TRERF1: variants seen among roughly 807,000 people sequenced by gnomAD.
The protein encoded by TRERF1 is transcriptional-regulating factor 1.
Under a neutral mutation model 122.9 loss-of-function variants are expected in TRERF1, and 27 were observed. That is an observed-to-expected ratio of 0.22 (90% CI 0.16 to 0.30). The LOEUF (loss-of-function observed/expected upper bound fraction) is 0.30. TRERF1 is among the 10% of genes least tolerant of loss of function. The probability of loss-of-function intolerance (pLI) is 1.00; values close to 1 mark genes in which losing one functional copy is unlikely to be tolerated. For synonymous variants in TRERF1, 636 were observed against 641.7 expected, an observed-to-expected ratio of 0.99 and a Z score of 0.13; for missense variants, 1,248 against 1,560.3, an observed-to-expected ratio of 0.80 and a Z score of 3.37.
At chr6:42,247,078 C>CGAGG (rs2149631276) in intron 13 of TRERF1, among the ~76,000 whole-genome samples, 1 of 152,200 alleles carries the variant, frequency 6.6e-6, no homozygotes, top group South Asian at 2.1e-4. Flanking sequence ...CAGGTAGAGG[C>CGAGG]GAGGTGCCAA....
At chr6:42,303,290 T>C (rs918137233) in intron 3 of TRERF1, among the ~76,000 whole-genome samples, 9 of 152,186 alleles carry the variant, frequency 5.9e-5, no homozygotes, top group Non-Finnish European at 1.3e-4. Context: ...ATAACTATAA[T>C]AGTGGTCCCC....
chr6:42,360,771 TAAAAAAAAAAA>T (rs55924002), intron 3 of TRERF1, among the ~76,000 whole-genome samples: 21 of 36,418 alleles, frequency 5.8e-4, no homozygotes, highest in Admixed American at 4.7e-3. Flanking sequence ...GTGGAGAGAT[TAAAAAAAAAAA>T]AAAAAAAAAA....
At chr6:42,411,437 C>T (rs565258309) in intron 2 of TRERF1, among the ~76,000 whole-genome samples, 62 of 152,262 alleles carry the variant, frequency 4.1e-4, no homozygotes, top group African/African-American at 8.7e-4. Flanking sequence ...GGTCCCAATT[C>T]GGGACCTGGA....
At chr6:42,277,937 AAG>A (rs1424648629) in intron 4 of TRERF1, among the ~76,000 whole-genome samples, 28 of 148,894 alleles carry the variant, frequency 1.9e-4, no homozygotes, top group Admixed American at 9.3e-4. Context: ...GAAGAAGAAG[AAG>A]AAGAAGAAGA....
intron 2 of TRERF1, among the ~76,000 whole-genome samples, chr6:42,445,337 A>C (rs569615670): frequency 1.5e-5 from 2 of 134,462 alleles, no homozygotes; most frequent in African/African-American, 2.8e-5. Context: ...CAGCCTCAGG[A>C]AACACTACAC....
At chr6:42,251,031 C>CT (rs1188181741) in intron 13 of TRERF1, among the ~76,000 whole-genome samples, 42 of 120,924 alleles carry the variant, frequency 3.5e-4, no homozygotes, top group Non-Finnish European at 6.4e-4. Flanking sequence ...GGGTCTCACT[C>CT]TGTCGCCCAG....
chr6:42,251,671 T>G (rs1775847585), intron 13 of TRERF1, among the ~76,000 whole-genome samples: 2 of 152,196 alleles, frequency 1.3e-5, no homozygotes, highest in South Asian at 4.1e-4. Context: ...TCTTGCAAAT[T>G]ACTCTCTTGA....
chr6:42,421,798 A>T (rs200277559), intron 2 of TRERF1, among the ~76,000 whole-genome samples: 88 of 151,638 alleles, frequency 5.8e-4, no homozygotes, highest in Admixed American at 1.8e-3. Context: ...TTAATTAATT[A>T]AATTAAATAA....
intron 2 of TRERF1, among the ~76,000 whole-genome samples, chr6:42,416,966 A>G (rs1392648475): frequency 6.6e-6 from 1 of 152,108 alleles, no homozygotes; most frequent in Non-Finnish European, 1.5e-5. Flanking sequence ...AAAAGATCCT[A>G]CCAGCATCAC....
At chr6:42,367,971 G>C (rs1773070034) in intron 2 of TRERF1, among the ~76,000 whole-genome samples, 1 of 151,974 alleles carries the variant, frequency 6.6e-6, no homozygotes, top group Admixed American at 6.5e-5. Context: ...CTTCCACTTT[G>C]ACACCCTGCC....
intron 4 of TRERF1, among the ~76,000 whole-genome samples, chr6:42,287,293 A>G (rs567748798): frequency 9.0e-6 from 1 of 110,906 alleles, no homozygotes; most frequent in African/African-American, 3.7e-5. Context: ...AAAGTATAAT[A>G]AAAAAAAAAA....
chr6:42,374,150 A>AAAAGAAG (rs1554193489), intron 2 of TRERF1, among the ~76,000 whole-genome samples: 2 of 143,962 alleles, frequency 1.4e-5, no homozygotes, highest in African/African-American at 2.6e-5. Flanking sequence ...AAAAAAAAAA[A>AAAAGAAG]AAGAAGAAGA....
chr6:42,296,235 G>A (rs954595913), intron 4 of TRERF1, among the ~76,000 whole-genome samples: 9 of 152,156 alleles, frequency 5.9e-5, no homozygotes, highest in East Asian at 3.8e-4. Context: ...AGACCAGTGC[G>A]TTCTATCTTC....
At chr6:42,422,344 A>T (rs1168853707) in intron 2 of TRERF1, among the ~76,000 whole-genome samples, 1 of 151,634 alleles carries the variant, frequency 6.6e-6, no homozygotes, top group Non-Finnish European at 1.5e-5. Flanking sequence ...ACATGACAAA[A>T]CCCTGTCTCT....
At chr6:42,350,499 C>T (rs1383731864) in intron 3 of TRERF1, among the ~76,000 whole-genome samples, 5 of 152,182 alleles carry the variant, frequency 3.3e-5, no homozygotes, top group Non-Finnish European at 7.3e-5. Flanking sequence ...GCCTCTCTGC[C>T]TCTCTGAAGT....
At chr6:42,249,237 A>G (rs1238620336) in intron 13 of TRERF1, among the ~76,000 whole-genome samples, 2 of 152,060 alleles carry the variant, frequency 1.3e-5, no homozygotes, top group African/African-American at 4.8e-5. Context: ...ATTCTTTCCA[A>G]CCTCAACCAG....
At chr6:42,293,855 C>G (rs1160485605) in intron 4 of TRERF1, among the ~76,000 whole-genome samples, 2 of 151,710 alleles carry the variant, frequency 1.3e-5, no homozygotes, top group African/African-American at 2.4e-5. Flanking sequence ...ATGACTTCCC[C>G]TCCTTGCACC....
intron 2 of TRERF1, among the ~76,000 whole-genome samples, chr6:42,450,535 A>G (rs934985038): frequency 2.6e-5 from 4 of 152,246 alleles, no homozygotes; most frequent in African/African-American, 9.6e-5. Flanking sequence ...GGAACCAGAA[A>G]GCGTTTTCTT....
At chr6:42,291,260 A>C (rs1444659653) in intron 4 of TRERF1, among the ~76,000 whole-genome samples, 1 of 152,088 alleles carries the variant, frequency 6.6e-6, no homozygotes, top group Non-Finnish European at 1.5e-5. Flanking sequence ...TCTGTTCAGC[A>C]TGAAGCTACT....
Sources: gnomAD v4.1 joint callset for allele counts (sites outside exome capture counted in the v4.1 genomes callset) on GRCh38, gnomAD v4.1.1 for gene constraint, MANE v1.5 for transcripts, NCBI Gene and HGNC (gene_info 2026-07-23, HGNC 2026-07-21) for gene names.